Variants in NUMBL observed in about 807,000 individuals in gnomAD.
NUMBL encodes the protein numb-like protein.
Under a neutral mutation model 48.9 loss-of-function variants are expected in NUMBL, and 20 were observed. The ratio of observed to expected loss-of-function variants is 0.41; its 90% CI spans 0.29 to 0.59. The LOEUF (loss-of-function observed/expected upper bound fraction) is 0.59. Ranked by LOEUF, NUMBL falls within the 20% of genes least tolerant of loss-of-function variation. NUMBL has a pLI of 0.31. For synonymous variants in NUMBL, 340 were observed against 348.7 expected (o/e 0.98, Z 0.28); for missense variants, 660 against 846.2 (o/e 0.78, Z 2.73).
At chr19:40,669,789 T>C (rs1049848355) in intron 9 of NUMBL, 109 bp downstream of exon 9, 2 of 1,433,466 alleles carry the variant, frequency 1.4e-6, no homozygotes, top group South Asian at 2.8e-5. Context: ...TCCATGGTTC[T>C]AAGCCTGTAG....
chr19:40,682,863 C>A lies in NUMBL; in HGVS notation c.324+31G>T, dbSNP rs759274789. On this transcript the variant is annotated intron_variant, in intron 4 of 9. Coordinates refer to ENST00000252891, the MANE Select transcript of NUMBL (RefSeq NM_004756.5). The surrounding 1 kb of genome is among the most constrained non-coding windows in gnomAD (Gnocchi z 4.0). ...GGGTGCCTCTCCCTGTCTGACCTTGCCCCCTCCCTCATGGCAGCCCCCTCA... is the reference window on the plus strand; with the variant it reads ...GGGTGCCTCTCCCTGTCTGACCTTGACCCCTCCCTCATGGCAGCCCCCTCA... The A allele has an allele frequency of 6.2e-7, 1 of 1,613,582 alleles. No homozygotes were observed. Among genetic ancestry groups the A allele is most frequent in the East Asian group, 2.2e-5 (1 of 44,862 alleles).
chr19:40,669,420 G>A (rs2081834091), intron 9 of NUMBL, among the ~76,000 whole-genome samples: 1 of 152,024 alleles, frequency 6.6e-6, no homozygotes, highest in Non-Finnish European at 1.5e-5. Flanking sequence ...CTGGCTCTAA[G>A]ATGATCCCTG....
At chr19:40,676,409 C>CA (rs1370560528) in intron 7 of NUMBL, among the ~76,000 whole-genome samples, 6 of 151,650 alleles carry the variant, frequency 4.0e-5, no homozygotes, top group African/African-American at 1.5e-4. Flanking sequence ...CAAAACAAAA[C>CA]AAAAAATGCC....
rs1279094420 is a variant in NUMBL, at chr19:40,668,047, C to T, written c.1251G>A (p.Leu417=). Residue 417 remains leucine, a synonymous_variant, in exon 10 of 10, where the codon CTG becomes CTA. Coordinates refer to ENST00000252891, the MANE Select transcript of NUMBL (RefSeq NM_004756.5). The part of the protein sequence containing the change: ...KRTPSEAERW[L]EEVSQVAKAQ... ...CCTTGGCCACCTGTGACACCTCCTCCAGCCATCGCTCAGCCTCTGAAGGTG... is the reference window on the plus strand; with the variant it reads ...CCTTGGCCACCTGTGACACCTCCTCTAGCCATCGCTCAGCCTCTGAAGGTG... 1.3e-6 allele frequency: 2 copies of T among 1,585,496 alleles called. No individual in the cohort carries two copies. Among genetic ancestry groups the T allele is most frequent in the Admixed American group, 3.6e-5 (2 of 55,012 alleles).
At chr19:40,680,615 A>AT (rs1188855226) in intron 6 of NUMBL, among the ~76,000 whole-genome samples, 2 of 151,304 alleles carry the variant, frequency 1.3e-5, no homozygotes, top group Non-Finnish European at 2.9e-5. Flanking sequence ...CACCTAGCTA[A>AT]TTTTTTGTAT....
At chr19:40,681,534 A>G (rs2561543) in intron 5 of NUMBL, among the ~76,000 whole-genome samples, 107,061 of 152,048 alleles carry the variant, frequency 0.7, 39,123 homozygotes, top group African/African-American at 0.91. Flanking sequence ...TGGGGGCAGC[A>G]GATTCAAGGT....
chr19:40,667,737 A>C lies in NUMBL; in HGVS notation c.1561T>G (p.Cys521Gly). ...TGAGGCTGGAGCTGGGCGGCTGAGC[A>C]GAAGGCGTTTGCCACCATCTGTGAG... ...TPSQMVANAF[C>G]SAAQLQPQPA... is the part of the protein sequence containing the mutation. Residue 521 changes from cysteine (C) to glycine (G), a missense_variant, in exon 10 of 10, where the codon TGC (cysteine) becomes GGC (glycine). Physicochemically the swap from Cys to Gly is radical, Grantham distance 159 (BLOSUM62 -3). Coordinates refer to ENST00000252891, the MANE Select transcript of NUMBL (RefSeq NM_004756.5). The surrounding 1 kb of genome is among the most constrained non-coding windows in gnomAD (Gnocchi z 6.1). 1 of 1,577,578 alleles carries C rather than the reference A, an allele frequency of 6.3e-7. No homozygotes were observed. Among genetic ancestry groups the C allele is most frequent in the Non-Finnish European group, 8.6e-7 (1 of 1,162,588 alleles).
Position 40,687,425 on chromosome 19 carries a change from A to C in NUMBL, c.25-430T>G, listed in dbSNP as rs565449288. On this transcript the variant is annotated intron_variant, in intron 1 of 9. Coordinates refer to ENST00000252891, the MANE Select transcript of NUMBL (RefSeq NM_004756.5). This position sits in a 1 kb window ranked among gnomAD's most constrained non-coding sequence, Gnocchi z 4.6. ...TACACAGAAACAGTCCCAAACCCAG[A>C]AAGCTGCCACTGTAAACATCTGGCC... Among the ~76,000 whole-genome samples, 1 of 152,338 alleles carries C rather than the reference A, an allele frequency of 6.6e-6. No homozygotes were observed. The highest frequency in any genetic ancestry group is 2.1e-4 in the South Asian group (1 of 4,832).
In NUMBL at chr19:40,673,516, G is replaced by A. The variant is rs1481978844; in HGVS notation, c.864C>T (p.Ala288=). 1.2e-5 allele frequency: 19 copies of A among 1,567,310 alleles called. No individual in the cohort carries two copies. The highest frequency in any genetic ancestry group is 2.4e-5 in the East Asian group (1 of 41,830). The change falls in exon 8 of 10, where the codon GCC becomes GCT. Residue 288 remains alanine (A), a synonymous_variant. Transcript: ENST00000252891. This position sits in a 1 kb window ranked among gnomAD's most constrained non-coding sequence, Gnocchi z 5.9. ...GGGGTGCATGGCGCCGGGGGATGGC[G>A]GCCGCAGTGGTGCCTGCAGCCACAG... ...GTPVAAGTTA[A]AIPRRHAPLE...
In NUMBL at chr19:40,690,476, C is replaced by A; in HGVS notation, c.8G>T (p.Arg3Leu). The A allele has an allele frequency of 7.6e-7, 1 of 1,307,232 alleles. No individual in the cohort carries two copies. 81.0% of individuals were successfully genotyped at this position (1,307,232 alleles called of 1,614,324 possible). A position where few individuals can be genotyped will look rare whatever the true frequency, so the allele number is the denominator to read the frequency against. MSRSAAASGGPRR... is the reference protein window; with the variant it reads MSLSAAASGGPRR... Reference sequence around the variant, plus strand: ...CCTTCTCACGCTGGCCGCCGCGCTGCGGGACATCCAGGGCCCGGGCGCCCC... The same window carrying A: ...CCTTCTCACGCTGGCCGCCGCGCTGAGGGACATCCAGGGCCCGGGCGCCCC... The change falls in exon 1 of 10, where the codon CGC becomes CTC. Residue 3 changes from arginine (R) to leucine (L), a missense_variant. By Grantham distance (102) the Arg-to-Leu change is moderately radical. This residue lies in a region of NUMBL where 86 missense variants were observed against 85.9 expected (regional missense o/e 1.00). Coordinates refer to ENST00000252891, the MANE Select transcript of NUMBL (RefSeq NM_004756.5).
chr19:40,690,552 G>T lies in NUMBL; in HGVS notation c.-69C>A. The stretch of plus-strand genomic sequence containing the variant: ...TGGCTCCCCGACTGCTGCTGCTGCG[G>T]TGGTGGCGGCGGCAGCTCGGTCTGA... On this transcript the variant is annotated 5_prime_UTR_variant, in exon 1 of 10. Coordinates refer to ENST00000252891, the MANE Select transcript of NUMBL (RefSeq NM_004756.5). 12 of 1,012,062 alleles carry T rather than the reference G, an allele frequency of 1.2e-5. No individual in the cohort carries two copies. The highest frequency in any genetic ancestry group is 1.5e-5 in the Non-Finnish European group (12 of 789,370). The allele number at this position is 1,012,062 out of a possible 1,614,324, so 62.7% of individuals were successfully genotyped here.
In NUMBL at chr19:40,688,054, A is replaced by G. The variant is rs1194246814; in HGVS notation, c.25-1059T>C. On this transcript the variant is annotated intron_variant, in intron 1 of 9. Coordinates refer to ENST00000252891, the MANE Select transcript of NUMBL (RefSeq NM_004756.5). This position sits in a 1 kb window ranked among gnomAD's most constrained non-coding sequence, Gnocchi z 4.6. ...CACATACAGAGGTACTGATGGCCAC[A>G]GCATGCAACCACCCACAAACAACTG... Among the ~76,000 whole-genome samples, 1 of 152,212 alleles carries G rather than the reference A, an allele frequency of 6.6e-6. No individual in the cohort carries two copies. Among genetic ancestry groups the G allele is most frequent in the African/African-American group, 2.4e-5 (1 of 41,442 alleles).
In NUMBL at chr19:40,683,925, G is replaced by A. The variant is rs185486482; in HGVS notation, c.249+492C>T. 2.3e-3 allele frequency among the ~76,000 whole-genome samples: 342 copies of A among 151,642 alleles called. 1 individual carries two copies. Among genetic ancestry groups the A allele is most frequent in the African/African-American group, 7.8e-3 (323 of 41,270 alleles). On this transcript the variant is annotated intron_variant, in intron 3 of 9. Coordinates refer to ENST00000252891, the MANE Select transcript of NUMBL (RefSeq NM_004756.5). Reference sequence around the variant, plus strand: ...TGTGAGTAGCTGGGACTACAGGTGCGTGCCACTGTGCCTATTTTTTGTAGA... The same window carrying A: ...TGTGAGTAGCTGGGACTACAGGTGCATGCCACTGTGCCTATTTTTTGTAGA...
intron 7 of NUMBL, among the ~76,000 whole-genome samples, chr19:40,676,051 G>A (rs1465299060): frequency 1.3e-5 from 2 of 152,058 alleles, no homozygotes; most frequent in Non-Finnish European, 2.9e-5. Flanking sequence ...GATTTGTAGA[G>A]ACAGGGTTTC....
intron 2 of NUMBL, 21 bp from the exon 3 acceptor site, chr19:40,684,577 T>A (rs1458777661): frequency 1.9e-6 from 3 of 1,590,110 alleles, no homozygotes; most frequent in South Asian, 1.1e-5. Flanking sequence ...AGGACAGTGA[T>A]GTGGGTCAAG....
Position 40,682,005 on chromosome 19 carries a change from T to C in NUMBL, c.399+723A>G, listed in dbSNP as rs547863104. On this transcript the variant is annotated intron_variant, in intron 5 of 9. Coordinates refer to ENST00000252891, the MANE Select transcript of NUMBL (RefSeq NM_004756.5). The surrounding 1 kb of genome is among the most constrained non-coding windows in gnomAD (Gnocchi z 4.0). The stretch of plus-strand genomic sequence containing the variant: ...AAATTTTTTTAAAAATTATTTTGTA[T>C]AGATGGAGCCTTGCTATGTTTCACA... Among the ~76,000 whole-genome samples, 69 of 152,086 alleles carry C rather than the reference T, an allele frequency of 4.5e-4. No individual in the cohort carries two copies. The highest frequency in any genetic ancestry group is 1.5e-3 in the African/African-American group (62 of 41,510).
At position 40,667,975 on chromosome 19, in the gene NUMBL, CTGCTGCTGCTGCTGCTGTTGCTGT is replaced by C; in HGVS notation, c.1299_1322del (p.Gln439_Gln446del). 6 of 1,562,502 alleles carry C rather than the reference CTGCTGCTGCTGCTGCTGTTGCTGT, an allele frequency of 3.8e-6. No individual in the cohort carries two copies. The highest frequency in any genetic ancestry group is 2.4e-5 in the East Asian group (1 of 42,234). On this transcript the variant is annotated inframe_deletion, in exon 10 of 10. Transcript: ENST00000252891. The surrounding 1 kb of genome is among the most constrained non-coding windows in gnomAD (Gnocchi z 6.1). ...CTGAGGCTGCTTGCTGCTGTTGCTG[CTGCTGCTGCTGCTGCTGTTGCTGT>C]TGCTGCTGCTGCTGCTGCTGGGCCT...
intron 1 of NUMBL, among the ~76,000 whole-genome samples, chr19:40,689,124 GACAACTCCACTCACACACAGTC>G (rs1466879918): frequency 6.6e-6 from 1 of 152,050 alleles, no homozygotes; most frequent in Non-Finnish European, 1.5e-5. Context: ...TGGAGCCATA[GACAACTCCACTCACACACAGTC>G]ACAACTCCAC....
At position 40,673,707 on chromosome 19, in the gene NUMBL, C is replaced by A; in HGVS notation, c.731-58G>T. The A allele has an allele frequency of 7.1e-7, 1 of 1,407,880 alleles. No individual in the cohort carries two copies. The allele number at this position is 1,407,880 out of a possible 1,614,324, so 87.2% of individuals were successfully genotyped here. A position where few individuals can be genotyped will look rare whatever the true frequency, so the allele number is the denominator to read the frequency against. ...TCTCACCATGGCATGCAAGGCCTCTCCCACCTGGTTCTCTTGATCATTCTC... is the reference window on the plus strand; with the variant it reads ...TCTCACCATGGCATGCAAGGCCTCTACCACCTGGTTCTCTTGATCATTCTC... On this transcript the variant is annotated intron_variant, in intron 7 of 9. Coordinates refer to ENST00000252891, the MANE Select transcript of NUMBL (RefSeq NM_004756.5). This position sits in a 1 kb window ranked among gnomAD's most constrained non-coding sequence, Gnocchi z 5.9.
Sources: allele counts gnomAD v4.1 joint callset (sites outside exome capture counted in the v4.1 genomes callset), GRCh38; gene constraint gnomAD v4.1.1; regional missense constraint gnomAD v4.1.1; non-coding constraint Gnocchi (gnomAD v3.1); transcripts MANE v1.5; gene names NCBI Gene and HGNC (gene_info 2026-07-23, HGNC 2026-07-21).